Variants in PTPRN2 observed in about 807,000 individuals in gnomAD.
PTPRN2 encodes receptor-type tyrosine-protein phosphatase N2.
A neutral mutation model predicts 118.8 loss-of-function variants in PTPRN2; 74 were observed. The ratio of observed to expected loss-of-function variants is 0.62; its 90% CI spans 0.52 to 0.76. The LOEUF (loss-of-function observed/expected upper bound fraction) is 0.76, where lower values mean the gene tolerates loss of function less well. Among genes scored for constraint, PTPRN2 ranks in the 30% least tolerant of loss-of-function variants. The pLI is 0.00. For missense variants in PTPRN2, 1,481 were observed against 1,394.4 expected, an observed-to-expected ratio of 1.06 and a Z score of -0.99; for synonymous variants, 641 against 608.0, an observed-to-expected ratio of 1.05 and a Z score of -0.80.
At chr7:158,139,443 G>A (rs1819164428) in intron 6 of PTPRN2, among the ~76,000 whole-genome samples, 1 of 152,074 alleles carries the variant, frequency 6.6e-6, no homozygotes, top group Non-Finnish European at 1.5e-5. Context: ...ACGTTCTGCA[G>A]AACCTCAGTC....
rs372374559 is a variant in PTPRN2, at chr7:158,090,029, C to T, written c.1644-8652G>A. 2.8e-4 allele frequency among the ~76,000 whole-genome samples: 7 copies of T among 25,166 alleles called. 2 individuals carry two copies. Among genetic ancestry groups the T allele is most frequent in the Non-Finnish European group, 3.8e-4 (3 of 7,836 alleles). 16.5% of individuals were successfully genotyped at this position (25,166 alleles called of 152,430 possible). A position where few individuals can be genotyped will look rare whatever the true frequency, so the allele number is the denominator to read the frequency against. ...GAGGGAGTCTTCACACAAACCCTTC[C>T]TCCCCTGACGAAAGAGGGAGTCTTC... is the stretch of plus-strand genomic sequence containing the variant. On this transcript the variant is annotated intron_variant, in intron 10 of 22. Coordinates refer to ENST00000389418, the MANE Select transcript of PTPRN2 (RefSeq NM_002847.5).
chr7:158,244,543 T>C (rs1796075668), intron 3 of PTPRN2, among the ~76,000 whole-genome samples: 2 of 56,964 alleles, frequency 3.5e-5, no homozygotes, highest in African/African-American at 1.9e-4. Context: ...TGAATGAGCA[T>C]GTTTTTTGTG....
chr7:158,262,639 CAT>C (rs571622496), intron 3 of PTPRN2, among the ~76,000 whole-genome samples: 79 of 148,360 alleles, frequency 5.3e-4, no homozygotes, highest in Middle Eastern at 3.8e-3. Flanking sequence ...ACACTGCAAA[CAT>C]TCACTGCACA....
intron 1 of PTPRN2, among the ~76,000 whole-genome samples, chr7:158,502,224 C>T (rs761632350): frequency 1.3e-5 from 2 of 152,226 alleles, no homozygotes; most frequent in Non-Finnish European, 2.9e-5. Context: ...TATGGAAACA[C>T]AGCCACGCCC....
intron 22 of PTPRN2, among the ~76,000 whole-genome samples, chr7:157,543,889 C>G (rs956711074): frequency 4.6e-5 from 7 of 152,166 alleles, no homozygotes; most frequent in Non-Finnish European, 1.0e-4. Flanking sequence ...TGAGCCCTGC[C>G]CAAGTTAGGG....
chr7:157,948,355 G>A (rs1267932475), intron 11 of PTPRN2, among the ~76,000 whole-genome samples: 1 of 152,182 alleles, frequency 6.6e-6, no homozygotes, highest in African/African-American at 2.4e-5. Context: ...TGCTTTTGAA[G>A]CTAAGTTGGT....
chr7:158,480,993 C>G, intron 2 of PTPRN2, among the ~76,000 whole-genome samples: 1 of 152,390 alleles, frequency 6.6e-6, no homozygotes, highest in African/African-American at 2.4e-5. Context: ...AAGGTGGCTG[C>G]TCTAACAACA....
intron 12 of PTPRN2, among the ~76,000 whole-genome samples, chr7:157,695,780 G>T (rs902755044): frequency 6.6e-6 from 1 of 152,202 alleles, no homozygotes; most frequent in Non-Finnish European, 1.5e-5. Context: ...ATAAAAGAAG[G>T]TAAGTCCATT....
chr7:158,312,258 A>ATGTG (rs1801859648), intron 3 of PTPRN2, among the ~76,000 whole-genome samples: 1 of 109,446 alleles, frequency 9.1e-6, no homozygotes, highest in Admixed American at 7.9e-5. Flanking sequence ...CTGCACACGC[A>ATGTG]CTCACGTGCT....
intron 12 of PTPRN2, among the ~76,000 whole-genome samples, chr7:157,873,359 G>A (rs547001284): frequency 7.2e-5 from 11 of 152,358 alleles, no homozygotes; most frequent in African/African-American, 2.4e-4. Flanking sequence ...CAGTTTGCTC[G>A]CTTCCCTGGA....
intron 11 of PTPRN2, among the ~76,000 whole-genome samples, chr7:157,979,844 G>T (rs544124974): frequency 6.6e-6 from 1 of 152,126 alleles, no homozygotes; most frequent in African/African-American, 2.4e-5. Flanking sequence ...CTGCTCAATC[G>T]CAGCCCAGGC....
chr7:158,487,378 T>C (rs151102305), intron 2 of PTPRN2, among the ~76,000 whole-genome samples: 2 of 152,330 alleles, frequency 1.3e-5, no homozygotes, highest in Non-Finnish European at 2.9e-5. Flanking sequence ...CGACGCCATT[T>C]TACATTCCCA....
At chr7:158,271,147 G>A (rs1300782093) in intron 3 of PTPRN2, among the ~76,000 whole-genome samples, 2 of 146,158 alleles carry the variant, frequency 1.4e-5, no homozygotes, top group Non-Finnish European at 3.0e-5. Flanking sequence ...GCCAGAGGGA[G>A]TAACTGTGGG....
intron 3 of PTPRN2, among the ~76,000 whole-genome samples, chr7:158,225,117 T>G (rs973314829): frequency 2.6e-5 from 4 of 152,080 alleles, no homozygotes; most frequent in African/African-American, 7.2e-5. Context: ...TGTTACTTTT[T>G]TTTTTCTTTT....
chr7:157,693,072 G>T (rs1433460257), intron 12 of PTPRN2, among the ~76,000 whole-genome samples: 6 of 151,744 alleles, frequency 4.0e-5, no homozygotes, highest in African/African-American at 1.2e-4. Flanking sequence ...GGGAGGTGGC[G>T]CTGGGGGGCG....
intron 3 of PTPRN2, among the ~76,000 whole-genome samples, chr7:158,231,758 A>G (rs1829176626): frequency 6.6e-6 from 1 of 152,232 alleles, no homozygotes; most frequent in African/African-American, 2.4e-5. Context: ...AGCAGCAGAA[A>G]TCATATCAAG....
intron 12 of PTPRN2, chr7:157,864,170 G>C (rs958641414): frequency 2.6e-5 from 4 of 152,278 alleles, no homozygotes; most frequent in Non-Finnish European, 4.4e-5. Flanking sequence ...CCTTCCAAGC[G>C]ACTGTTCACA....
rs377221795 is a variant in PTPRN2, at chr7:157,658,109, G to A, written c.2002-1558C>T. 2.7e-5 allele frequency among the ~76,000 whole-genome samples: 4 copies of A among 150,620 alleles called. No individual in the cohort carries two copies. In the East Asian group the frequency reaches 5.8e-4, roughly 22 times the overall value. On this transcript the variant is annotated intron_variant, in intron 13 of 22. Coordinates refer to ENST00000389418, the MANE Select transcript of PTPRN2 (RefSeq NM_002847.5). ...CACTGGATCCTCCTCTGTCATCAAC[G>A]TGGAATATTCTGGGATAACGCCACA...
intron 14 of PTPRN2, among the ~76,000 whole-genome samples, chr7:157,641,235 C>G (rs142454088): frequency 6.6e-6 from 1 of 152,248 alleles, no homozygotes; most frequent in East Asian, 1.9e-4. Flanking sequence ...AACTGCTGAA[C>G]TAGCCAAGGG....
Sources: allele counts gnomAD v4.1 joint callset (sites outside exome capture counted in the v4.1 genomes callset), GRCh38; gene constraint gnomAD v4.1.1; transcripts MANE v1.5; gene names NCBI Gene and HGNC (gene_info 2026-07-23, HGNC 2026-07-21).